CMC1: variants seen among roughly 807,000 people sequenced by gnomAD.
CMC1 encodes the protein C-X9-C motif containing 1.
In CMC1, 14 loss-of-function variants were observed where a neutral mutation model predicts 14.1. That is an observed-to-expected ratio of 0.99 (90% confidence interval 0.66 to 1.55). CMC1 has a LOEUF of 1.55. Ranked by LOEUF, CMC1 falls within the 40% of genes most tolerant of loss-of-function variation. The pLI, the probability that CMC1 is intolerant of heterozygous loss-of-function variation, is 0.00. For synonymous variants in CMC1, 50 were observed against 38.4 expected (o/e 1.30, Z -1.12); for missense variants, 127 against 123.8 (o/e 1.03, Z -0.12).
At chr3:28,311,113 T>C (rs893845012) in intron 2 of CMC1, among the ~76,000 whole-genome samples, 4 of 152,220 alleles carry the variant, frequency 2.6e-5, no homozygotes, top group African/African-American at 9.6e-5. Context: ...CATTATATTT[T>C]TCCATTTGAA....
intron 2 of CMC1, among the ~76,000 whole-genome samples, chr3:28,277,504 A>G (rs939711252): frequency 6.6e-6 from 1 of 152,058 alleles, no homozygotes; most frequent in Non-Finnish European, 1.5e-5. Context: ...TTAGTGGGGG[A>G]GGGGAGGATA....
intron 2 of CMC1, among the ~76,000 whole-genome samples, chr3:28,300,716 TCC>T: frequency 7.8e-6 from 1 of 128,188 alleles, no homozygotes; most frequent in African/African-American, 2.9e-5. Flanking sequence ...TCACCCTCCC[TCC>T]TTCCTCCCTC....
intron 1 of CMC1, among the ~76,000 whole-genome samples, chr3:28,251,943 A>G (rs1344516963): frequency 6.6e-6 from 1 of 152,258 alleles, no homozygotes; most frequent in African/African-American, 2.4e-5. Context: ...GCCGGATATC[A>G]GTGGGAAATT....
chr3:28,303,145 C>T (rs1702144430), intron 2 of CMC1, among the ~76,000 whole-genome samples: 1 of 152,112 alleles, frequency 6.6e-6, no homozygotes, highest in East Asian at 1.9e-4. Context: ...CATAAAGTAC[C>T]TAGTATAGTA....
At chr3:28,319,340 T>C in intron 3 of CMC1, 169 bp from the exon 4 acceptor site, 1 of 683,658 alleles carries the variant, frequency 1.5e-6, no homozygotes, top group Non-Finnish European at 2.7e-6. Flanking sequence ...GATTTGGTCT[T>C]TAGTTTGGTA....
intron 1 of CMC1, among the ~76,000 whole-genome samples, chr3:28,256,503 G>T (rs1699417785): frequency 6.6e-6 from 1 of 152,144 alleles, no homozygotes; most frequent in Non-Finnish European, 1.5e-5. Flanking sequence ...ATGTTTGCGT[G>T]AATAACTGGG....
chr3:28,268,624 C>T (rs1310101653), intron 2 of CMC1, among the ~76,000 whole-genome samples: 2 of 152,172 alleles, frequency 1.3e-5, no homozygotes, highest in African/African-American at 4.8e-5. Flanking sequence ...TGGGGACACT[C>T]CCAAGATCCG....
At position 28,321,615 on chromosome 3, in the gene CMC1, G is replaced by GT. The variant is rs965012669; in HGVS notation, c.*1992dup. The GT allele has an allele frequency of 6.6e-6, 1 of 151,218 alleles. No individual in the cohort carries two copies. Among genetic ancestry groups the GT allele is most frequent in the African/African-American group, 2.4e-5 (1 of 41,288 alleles). 9.4% of individuals were successfully genotyped at this position (151,218 alleles called of 1,614,324 possible). A position where few individuals can be genotyped will look rare whatever the true frequency, so the allele number is the denominator to read the frequency against. On this transcript the variant is annotated 3_prime_UTR_variant, in exon 4 of 4. Transcript: ENST00000466830. Reference sequence around the variant, plus strand: ...CCTGTTAATATGTGGTAACCCACAGGTTTTTTACCCCTTAAGATACACCTT... The same window carrying GT: ...CCTGTTAATATGTGGTAACCCACAGGTTTTTTTACCCCTTAAGATACACCTT...
chr3:28,282,437 C>A lies in CMC1; in HGVS notation c.109+19057C>A, dbSNP rs17021333. Among the ~76,000 whole-genome samples, 1,171 of 152,254 alleles carry A rather than the reference C, an allele frequency of 7.7e-3. 16 individuals carry two copies. Among genetic ancestry groups the A allele is most frequent in the African/African-American group, 0.026 (1,082 of 41,540 alleles). ...TTTTGCTATTGTTCTTACAGGTGTC[C>A]TACGCATTATTCCTTACCTTCTCTG... On this transcript the variant is annotated intron_variant, in intron 2 of 3. Transcript: ENST00000466830.
At chr3:28,288,586 C>T (rs1701317473) in intron 2 of CMC1, among the ~76,000 whole-genome samples, 1 of 151,858 alleles carries the variant, frequency 6.6e-6, no homozygotes, top group Non-Finnish European at 1.5e-5. Flanking sequence ...GGTAAATGTA[C>T]AACTGCAACT....
intron 2 of CMC1, among the ~76,000 whole-genome samples, chr3:28,309,968 CA>C (rs1702553217): frequency 6.6e-6 from 1 of 151,554 alleles, no homozygotes. Context: ...CACACACACA[CA>C]CACACACACA....
intron 2 of CMC1, among the ~76,000 whole-genome samples, chr3:28,295,493 G>A (rs1242830675): frequency 6.6e-6 from 1 of 151,980 alleles, no homozygotes; most frequent in Non-Finnish European, 1.5e-5. Context: ...AATCTCCTTA[G>A]AGGGGCCTAC....
chr3:28,292,199 A>G (rs1036721458), intron 2 of CMC1, among the ~76,000 whole-genome samples: 2 of 152,100 alleles, frequency 1.3e-5, no homozygotes, highest in Non-Finnish European at 2.9e-5. Flanking sequence ...TTTGAAATTT[A>G]TAGTATAATA....
In CMC1 at chr3:28,241,840, G is replaced by T. The variant is rs900549594; in HGVS notation, c.19+28G>T. The T allele has an allele frequency of 4.9e-6, 6 of 1,236,326 alleles. No homozygotes were observed. In the South Asian group the frequency reaches 1.2e-4, roughly 25 times the overall value. 76.6% of individuals were successfully genotyped at this position (1,236,326 alleles called of 1,614,324 possible). A position where few individuals can be genotyped will look rare whatever the true frequency, so the allele number is the denominator to read the frequency against. On this transcript the variant is annotated intron_variant, in intron 1 of 3. Transcript: ENST00000466830. ...ACCGGGGCGGGAAGCGGGGTTTGCC[G>T]AGGGGCCTCGCCCCGGGTCTCACGC...
rs1174683862 is a variant in CMC1, at chr3:28,316,284, T to C, written c.110-49T>C. On this transcript the variant is annotated intron_variant, in intron 2 of 3. Transcript: ENST00000466830. ...AGAAGAAAATTGTGTGTGTGGGTAT[T>C]TATATAGATATAATTACAAGTAATT... 5 of 944,076 alleles carry C rather than the reference T, an allele frequency of 5.3e-6. No homozygotes were observed. In the African/African-American group the frequency reaches 8.4e-5, roughly 16 times the overall value. 58.5% of individuals were successfully genotyped at this position (944,076 alleles called of 1,614,324 possible).
At chr3:28,304,711 G>A (rs1702222450) in intron 2 of CMC1, among the ~76,000 whole-genome samples, 1 of 152,066 alleles carries the variant, frequency 6.6e-6, no homozygotes, top group Admixed American at 6.6e-5. Context: ...ATTTATAGAA[G>A]AATGAAGACA....
At chr3:28,287,773 G>A (rs909016854) in intron 2 of CMC1, among the ~76,000 whole-genome samples, 1 of 151,504 alleles carries the variant, frequency 6.6e-6, no homozygotes, top group Non-Finnish European at 1.5e-5. Context: ...TTAATGGTCA[G>A]AATCTTTAGT....
chr3:28,246,154 C>T (rs1018434521), intron 1 of CMC1, among the ~76,000 whole-genome samples: 1 of 151,080 alleles, frequency 6.6e-6, no homozygotes, highest in Non-Finnish European at 1.5e-5. Flanking sequence ...AGAGTATCTT[C>T]TTAGACATAA....
rs115424868 is a variant in CMC1, at chr3:28,253,395, A to G, written c.20-9896A>G. On this transcript the variant is annotated intron_variant, in intron 1 of 3. Coordinates refer to ENST00000466830, the MANE Select transcript of CMC1 (RefSeq NM_182523.2). The stretch of plus-strand genomic sequence containing the variant: ...AGTTTGAGACCAGCCTGGGAAACAT[A>G]GTGAGATCCCATCTCTATAAAGTAC... Among the ~76,000 whole-genome samples the G allele has an allele frequency of 1.5e-3, 225 of 152,178 alleles. 3 individuals are homozygous for G. The highest frequency in any genetic ancestry group is 5.3e-3 in the African/African-American group (222 of 41,528).
Sources: allele counts gnomAD v4.1 joint callset (sites outside exome capture counted in the v4.1 genomes callset), GRCh38; gene constraint gnomAD v4.1.1; transcripts MANE v1.5; gene names NCBI Gene and HGNC (gene_info 2026-07-23, HGNC 2026-07-21).